The following LARP4B variants were observed in gnomAD, a reference collection of about 807,000 sequenced individuals.
LARP4B encodes the protein la-related protein 4B.
A neutral mutation model predicts 89.8 loss-of-function variants in LARP4B; 12 were observed. The observed-to-expected ratio is 0.13, with a 90% CI of 0.09 to 0.22. The LOEUF (loss-of-function observed/expected upper bound fraction) is 0.22, where lower values mean the gene tolerates loss of function less well. LARP4B is among the 10% of genes least tolerant of loss of function. LARP4B has a pLI of 1.00. For synonymous variants in LARP4B, 367 were observed against 363.3 expected (o/e 1.01, Z -0.12); for missense variants, 757 against 947.7 (o/e 0.80, Z 2.64).
chr10:924,660 A>G (rs1837086310), intron 1 of LARP4B, among the ~76,000 whole-genome samples: 1 of 152,214 alleles, frequency 6.6e-6, no homozygotes, highest in Non-Finnish European at 1.5e-5. Flanking sequence ...GGCACTACAC[A>G]GGTAATTCTC....
intron 3 of LARP4B, 78 bp downstream of exon 3, chr10:884,369 A>G: frequency 9.7e-7 from 1 of 1,032,660 alleles, no homozygotes; most frequent in Non-Finnish European, 1.5e-6. Flanking sequence ...TTGTTACAAT[A>G]AACATTTTTC....
the LARP4B span, among the ~76,000 whole-genome samples, chr10:980,473 T>A: frequency 1.3e-5 from 2 of 152,250 alleles, no homozygotes; most frequent in Non-Finnish European, 2.9e-5. Context: ...GAATTTCTCA[T>A]ACATCCTCTG....
At chr10:926,813 G>A (rs1001287573) in intron 1 of LARP4B, among the ~76,000 whole-genome samples, 4 of 152,148 alleles carry the variant, frequency 2.6e-5, no homozygotes, top group African/African-American at 9.7e-5. Context: ...AAGGCAGATG[G>A]GTCACTTGAG....
In LARP4B at chr10:889,861, G is replaced by C. The variant is rs145750704; in HGVS notation, c.-39-4101C>G. ...GGAGGCTGAGGCAGGAGAATCACTT[G>C]AACCCATGAGGCAGAGGTTGCAGTG... On this transcript the variant is annotated intron_variant, in intron 1 of 17. Coordinates refer to ENST00000316157, the MANE Select transcript of LARP4B (RefSeq NM_015155.3). Among the ~76,000 whole-genome samples the C allele has an allele frequency of 1.2e-3, 180 of 152,238 alleles. 7 individuals carry two copies. In the East Asian group the frequency reaches 0.029, roughly 25 times the overall value.
rs1463540136 is a variant in LARP4B at position 814,456 on chromosome 10, T to C, written c.1929+286A>G. ...AATGCTGAAATGATCCTAAAGTCTA[T>C]GGAGAAACAGGAGCTGGGGTCTTGT... On this transcript the variant is annotated intron_variant, in intron 17 of 17. Coordinates refer to ENST00000316157, the MANE Select transcript of LARP4B (RefSeq NM_015155.3). This position sits in a 1 kb window ranked among gnomAD's most constrained non-coding sequence, Gnocchi z 4.4. 3 of 488,056 alleles carry C rather than the reference T, an allele frequency of 6.1e-6. No homozygotes were observed. The highest frequency in any genetic ancestry group is 2.0e-5 in the South Asian group (1 of 48,848). The allele number at this position is 488,056 out of a possible 1,614,324, so 30.2% of individuals were successfully genotyped here. A position where few individuals can be genotyped will look rare whatever the true frequency, so the allele number is the denominator to read the frequency against.
At chr10:872,480 A>C (rs1446508058) in intron 3 of LARP4B, among the ~76,000 whole-genome samples, 1 of 152,184 alleles carries the variant, frequency 6.6e-6, no homozygotes, top group Non-Finnish European at 1.5e-5. Flanking sequence ...AATGCTGTGA[A>C]ACTTGCACTC....
At chr10:855,296 G>A (rs906800694) in intron 5 of LARP4B, among the ~76,000 whole-genome samples, 2 of 152,156 alleles carry the variant, frequency 1.3e-5, no homozygotes, top group Non-Finnish European at 2.9e-5. Context: ...TCCAGAGACC[G>A]AGTTTTCAGC....
At chr10:857,285 C>T (rs115994195) in intron 5 of LARP4B, among the ~76,000 whole-genome samples, 16 of 151,762 alleles carry the variant, frequency 1.1e-4, no homozygotes, top group African/African-American at 2.4e-4. Context: ...AACAGGTGGG[C>T]AATGCAAGCA....
intron 3 of LARP4B, among the ~76,000 whole-genome samples, chr10:883,835 TG>T (rs528320678): frequency 3.8e-4 from 58 of 151,398 alleles, no homozygotes; most frequent in East Asian, 3.7e-3. Context: ...CTGCTTATAA[TG>T]GGGGGGGAAT....
At chr10:835,929 T>C (rs1174608542) in intron 8 of LARP4B, among the ~76,000 whole-genome samples, 2 of 148,264 alleles carry the variant, frequency 1.3e-5, no homozygotes, top group Non-Finnish European at 3.0e-5. Context: ...CAAGACTCCA[T>C]CTCAAAAAAA....
the LARP4B span, chr10:972,412 G>A: frequency 4.7e-6 from 2 of 428,842 alleles, no homozygotes; most frequent in East Asian, 6.8e-5. Flanking sequence ...CCAGCCTCCA[G>A]AAACATGAGC....
upstream of LARP4B, among the ~76,000 whole-genome samples, chr10:935,893 T>C (rs1051516081): frequency 6.7e-6 from 1 of 150,262 alleles, no homozygotes; most frequent in African/African-American, 2.5e-5. Flanking sequence ...TAATTTTTGT[T>C]GTTTTTTTTT....
chr10:913,353 A>G (rs1836727435), intron 1 of LARP4B, among the ~76,000 whole-genome samples: 1 of 152,244 alleles, frequency 6.6e-6, no homozygotes, highest in Non-Finnish European at 1.5e-5. Flanking sequence ...TTTCACTACC[A>G]AAATATATGA....
intron 1 of LARP4B, among the ~76,000 whole-genome samples, chr10:910,080 TC>T (rs1303988798): frequency 6.6e-6 from 1 of 152,212 alleles, no homozygotes; most frequent in Non-Finnish European, 1.5e-5. Flanking sequence ...AATTGTTTAG[TC>T]ATTTTGTTCC....
At chr10:952,334 C>T in the LARP4B span, among the ~76,000 whole-genome samples, 1 of 88,958 alleles carries the variant, frequency 1.1e-5, no homozygotes, top group African/African-American at 4.7e-5. Flanking sequence ...AGCGAGACTC[C>T]ATCTCAAAAA....
intron 3 of LARP4B, among the ~76,000 whole-genome samples, chr10:878,625 T>G (rs1835550717): frequency 6.6e-6 from 1 of 152,230 alleles, no homozygotes; most frequent in Non-Finnish European, 1.5e-5. Flanking sequence ...TTTTACGATC[T>G]GTGCACATAG....
the LARP4B span, among the ~76,000 whole-genome samples, chr10:945,122 C>T: frequency 6.7e-6 from 1 of 149,984 alleles, no homozygotes; most frequent in South Asian, 2.1e-4. Flanking sequence ...GGTGGCTCAC[C>T]CCTGTAATCT....
chr10:968,039 T>G, the LARP4B span, among the ~76,000 whole-genome samples: 1 of 152,180 alleles, frequency 6.6e-6, no homozygotes, highest in Non-Finnish European at 1.5e-5. Context: ...TTTGATGGAC[T>G]GTGTTATCCC....
chr10:890,895 A>G (rs1191048838), intron 1 of LARP4B, among the ~76,000 whole-genome samples: 2 of 152,132 alleles, frequency 1.3e-5, no homozygotes, highest in African/African-American at 4.8e-5. Context: ...CAATTCCCAC[A>G]CAACCACGAA....
Sources: allele counts gnomAD v4.1 joint callset (sites outside exome capture counted in the v4.1 genomes callset), GRCh38; gene constraint gnomAD v4.1.1; non-coding constraint Gnocchi (gnomAD v3.1); transcripts MANE v1.5; gene names NCBI Gene and HGNC (gene_info 2026-07-23, HGNC 2026-07-21).